Variants in UBAP1L observed in about 807,000 individuals in gnomAD.
UBAP1L encodes the protein ubiquitin associated protein 1 like, also known as ubiquitin-associated protein 1-like.
Under a neutral mutation model 32.1 loss-of-function variants are expected in UBAP1L, and 32 were observed. The ratio of observed to expected loss-of-function variants is 1.00; its 90% confidence interval spans 0.75 to 1.34. The LOEUF (loss-of-function observed/expected upper bound fraction) is 1.34, where lower values mean the gene tolerates loss of function less well. Among genes scored for constraint, UBAP1L ranks in the 40% most tolerant of loss-of-function variants. The pLI, the probability that UBAP1L is intolerant of heterozygous loss-of-function variation, is 0.00. For synonymous variants in UBAP1L, 243 were observed against 250.2 expected, an observed-to-expected ratio of 0.97 and a Z score of 0.27; for missense variants, 516 against 540.5, an observed-to-expected ratio of 0.95 and a Z score of 0.45.
At chr15:65,093,612 G>T (rs1047641480) in intron 5 of UBAP1L, among the ~76,000 whole-genome samples, 1 of 152,178 alleles carries the variant, frequency 6.6e-6, no homozygotes, top group Non-Finnish European at 1.5e-5. Context: ...TCACAGCGCA[G>T]CCTGCACTTT....
rs773638566 is a variant in UBAP1L at position 65,102,402 on chromosome 15, T to C, written c.403A>G (p.Ser135Gly). 1,410 of 1,430,934 alleles carry C rather than the reference T, an allele frequency of 9.9e-4. 1 individual carries two copies. The highest frequency in any genetic ancestry group is 5.3e-3 in the Middle Eastern group (22 of 4,120). 88.6% of individuals were successfully genotyped at this position (1,430,934 alleles called of 1,614,324 possible). ...CACAGGCGACGGCCGGGGCCGGGGC[T>C]CGCCGGGGAGCCCGGTTGGAGGCTG... The part of the protein sequence containing the change: ...PSSLQPGSPA[S>G]PGPGRRLCSL... Residue 135 changes from serine to glycine, a missense_variant, in exon 3 of 6, where the codon AGC (serine) becomes GGC (glycine). Coordinates refer to ENST00000559089, the MANE Select transcript of UBAP1L (RefSeq NM_001163692.2). The surrounding 1 kb of genome is among the most constrained non-coding windows in gnomAD (Gnocchi z 5.0).
Position 65,102,504 on chromosome 15 carries a change from G to A in UBAP1L, c.301C>T (p.His101Tyr), listed in dbSNP as rs2087256065. Residue 101 changes from histidine (H) to tyrosine (Y), a missense_variant, in exon 3 of 6, where the codon CAC becomes TAC. Coordinates refer to ENST00000559089, the MANE Select transcript of UBAP1L (RefSeq NM_001163692.2). The surrounding 1 kb of genome is among the most constrained non-coding windows in gnomAD (Gnocchi z 5.0). ...PTTIRDPEAG[H>Y]QERPEEEGED... ...CCCTCCTCCTCCGGCCTCTCCTGGTGTCCGGCCTCCGGGTCTCTGATTGTG... is the reference window on the plus strand; with the variant it reads ...CCCTCCTCCTCCGGCCTCTCCTGGTATCCGGCCTCCGGGTCTCTGATTGTG... The A allele has an allele frequency of 1.4e-6, 2 of 1,468,356 alleles. No homozygotes were observed. The highest frequency in any genetic ancestry group is 1.4e-5 in the South Asian group (1 of 72,232). The allele number at this position is 1,468,356 out of a possible 1,614,324, so 91.0% of individuals were successfully genotyped here.
At chr15:65,107,492 C>T (rs1215309300) in intron 1 of UBAP1L, among the ~76,000 whole-genome samples, 1 of 151,762 alleles carries the variant, frequency 6.6e-6, no homozygotes, top group African/African-American at 2.4e-5. Context: ...AATCCCAGCA[C>T]TTGGGGAAGT....
At chr15:65,114,653 C>T (rs2087391533) in intron 1 of UBAP1L, among the ~76,000 whole-genome samples, 1 of 152,152 alleles carries the variant, frequency 6.6e-6, no homozygotes, top group Non-Finnish European at 1.5e-5. Context: ...TAGCACCTAA[C>T]CACAGTACCT....
chr15:65,094,742 G>T lies in UBAP1L; in HGVS notation c.910-166C>A. 1 of 635,880 alleles carries T rather than the reference G, an allele frequency of 1.6e-6. No homozygotes were observed. The highest frequency in any genetic ancestry group is 2.8e-6 in the Non-Finnish European group (1 of 353,294). 39.4% of individuals were successfully genotyped at this position (635,880 alleles called of 1,614,324 possible). On this transcript the variant is annotated intron_variant, in intron 4 of 5. Coordinates refer to ENST00000559089, the MANE Select transcript of UBAP1L (RefSeq NM_001163692.2). The surrounding 1 kb of genome is among the most constrained non-coding windows in gnomAD (Gnocchi z 4.2). ...CCCGTGAACCCACAGAAGGGGGATA[G>T]AGGCTTTCTCTGAGTGCCTGGCGAT...
At chr15:65,107,730 A>C (rs1479692850) in intron 1 of UBAP1L, among the ~76,000 whole-genome samples, 2 of 122,390 alleles carry the variant, frequency 1.6e-5, no homozygotes, top group Non-Finnish European at 3.6e-5. Flanking sequence ...CAAGAAGGAA[A>C]CGCTGTCTCA....
Position 65,094,382 on chromosome 15 carries a change from G to T in UBAP1L, c.1011+93C>A. On this transcript the variant is annotated intron_variant, in intron 5 of 5. Transcript: ENST00000559089. This position sits in a 1 kb window ranked among gnomAD's most constrained non-coding sequence, Gnocchi z 4.2. ...ACCCACAGGCTGGACCCACAGACTGGCTCTGAGGACTGGTGTGGCCCTGCA... is the reference window on the plus strand; with the variant it reads ...ACCCACAGGCTGGACCCACAGACTGTCTCTGAGGACTGGTGTGGCCCTGCA... 1.2e-6 allele frequency: 1 copy of T among 844,274 alleles called. No individual in the cohort carries two copies. The highest frequency in any genetic ancestry group is 1.8e-6 in the Non-Finnish European group (1 of 546,470). The allele number at this position is 844,274 out of a possible 1,614,324, so 52.3% of individuals were successfully genotyped here. A position where few individuals can be genotyped will look rare whatever the true frequency, so the allele number is the denominator to read the frequency against.
chr15:65,101,778 C>G (rs1003623392), intron 3 of UBAP1L: 1 of 191,078 alleles, frequency 5.2e-6, no homozygotes, highest in African/African-American at 2.4e-5. Flanking sequence ...AAAATCAGTG[C>G]GATCCAGTCC....
At chr15:65,109,998 C>G (rs573787749) in intron 1 of UBAP1L, among the ~76,000 whole-genome samples, 1 of 152,194 alleles carries the variant, frequency 6.6e-6, no homozygotes, top group East Asian at 1.9e-4. Flanking sequence ...TTTAGCAATA[C>G]AACAGCCAGG....
chr15:65,105,237 G>A (rs900521257), intron 2 of UBAP1L, among the ~76,000 whole-genome samples: 5 of 152,040 alleles, frequency 3.3e-5, no homozygotes, highest in Non-Finnish European at 7.4e-5. Flanking sequence ...CACTTAGGGT[G>A]GCCAAGGTGG....
At chr15:65,111,436 T>C (rs969187126) in intron 1 of UBAP1L, among the ~76,000 whole-genome samples, 1 of 152,170 alleles carries the variant, frequency 6.6e-6, no homozygotes, top group Non-Finnish European at 1.5e-5. Flanking sequence ...TATTTTCTAC[T>C]CAGCCCTACA....
At chr15:65,103,123 T>C (rs1351675124) in intron 2 of UBAP1L, among the ~76,000 whole-genome samples, 2 of 152,244 alleles carry the variant, frequency 1.3e-5, no homozygotes, top group African/African-American at 4.8e-5. Context: ...TATGGAGTGA[T>C]TCCTGTCCCC....
At position 65,094,167 on chromosome 15, in the gene UBAP1L, A is replaced by G. The variant is rs1011149620; in HGVS notation, c.1011+308T>C. 6.6e-6 allele frequency among the ~76,000 whole-genome samples: 1 copy of G among 152,190 alleles called. No homozygotes were observed. The highest frequency in any genetic ancestry group is 1.5e-5 in the Non-Finnish European group (1 of 68,026). On this transcript the variant is annotated intron_variant, in intron 5 of 5. Transcript: ENST00000559089. The surrounding 1 kb of genome is among the most constrained non-coding windows in gnomAD (Gnocchi z 4.2). ...CATGGCTCCTATCTGAGTGTCCGAC[A>G]AAGAGTGGCCATTCAGTCACAGAGG...
chr15:65,105,787 A>G (rs2087302020), intron 2 of UBAP1L: 1 of 702,942 alleles, frequency 1.4e-6, no homozygotes, highest in Non-Finnish European at 2.6e-6. Flanking sequence ...CGGTGGCCCA[A>G]AAAGAGTGCT....
Position 65,094,623 on chromosome 15 carries a change from C to T in UBAP1L, c.910-47G>A, listed in dbSNP as rs914973877. The T allele has an allele frequency of 2.8e-6, 4 of 1,428,992 alleles. No individual in the cohort carries two copies. The highest frequency in any genetic ancestry group is 1.2e-5 in the South Asian group (1 of 81,614). The allele number at this position is 1,428,992 out of a possible 1,614,324, so 88.5% of individuals were successfully genotyped here. On this transcript the variant is annotated intron_variant, in intron 4 of 5. Transcript: ENST00000559089. This position sits in a 1 kb window ranked among gnomAD's most constrained non-coding sequence, Gnocchi z 4.2. ...AGGGAGGGAGGGTAAGAGGAGCAGC[C>T]GGGGCAGCAGACAGGGCAGAGAGGC...
At chr15:65,109,963 G>A (rs751761622) in intron 1 of UBAP1L, among the ~76,000 whole-genome samples, 3 of 152,210 alleles carry the variant, frequency 2.0e-5, no homozygotes, top group Non-Finnish European at 4.4e-5. Flanking sequence ...TTTTGGGTTA[G>A]ATCAAGACTA....
Position 65,092,761 on chromosome 15 carries a change from CAGA to C in UBAP1L, c.*333_*335del. On this transcript the variant is annotated 3_prime_UTR_variant, in exon 6 of 6. Transcript: ENST00000559089. ...ACCAAGACCAGGTGCCTGCAGGACTCAGAAGAACTGCCCATTATTTATTTGTTT... is the reference window on the plus strand; with the variant it reads ...ACCAAGACCAGGTGCCTGCAGGACTCAGAACTGCCCATTATTTATTTGTTT... 4.2e-6 allele frequency: 1 copy of C among 236,072 alleles called. No individual in the cohort carries two copies. Among genetic ancestry groups the C allele is most frequent in the South Asian group, 6.7e-5 (1 of 14,894 alleles). The allele number at this position is 236,072 out of a possible 1,614,324, so 14.6% of individuals were successfully genotyped here.
intron 1 of UBAP1L, among the ~76,000 whole-genome samples, chr15:65,110,338 A>T (rs2087360178): frequency 6.7e-6 from 1 of 149,596 alleles, no homozygotes; most frequent in African/African-American, 2.5e-5. Flanking sequence ...CAGCCTGGTG[A>T]CAGAGTGAGA....
chr15:65,093,310 C>T, intron 5 of UBAP1L, 79 bp from the exon 6 acceptor site: 1 of 1,428,216 alleles, frequency 7.0e-7, no homozygotes. Context: ...AGCTCCAGTG[C>T]CTACTGCACC....
Sources: allele counts gnomAD v4.1 joint callset (sites outside exome capture counted in the v4.1 genomes callset), GRCh38; gene constraint gnomAD v4.1.1; non-coding constraint Gnocchi (gnomAD v3.1); transcripts MANE v1.5; gene names NCBI Gene and HGNC (gene_info 2026-07-23, HGNC 2026-07-21).